BORCS5: variants seen among roughly 807,000 people sequenced by gnomAD.
BORCS5 encodes the protein BLOC-1 related complex subunit 5.
BORCS5 carries 17 observed loss-of-function variants against 22.1 expected under a neutral mutation model. The ratio of observed to expected loss-of-function variants is 0.77; its 90% CI spans 0.53 to 1.15. The LOEUF is 1.15. BORCS5 is among the 50% of genes most tolerant of loss of function. BORCS5 has a pLI of 0.00. For synonymous variants in BORCS5, 117 were observed against 99.8 expected, an observed-to-expected ratio of 1.17 and a Z score of -1.03; for missense variants, 247 against 253.2, an observed-to-expected ratio of 0.98 and a Z score of 0.17.
chr12:12,368,645 C>G (rs1438126546), intron 2 of BORCS5, among the ~76,000 whole-genome samples: 1 of 149,780 alleles, frequency 6.7e-6, no homozygotes, highest in Non-Finnish European at 1.5e-5. Context: ...GGGTGTCACT[C>G]TGTTGTCCAA....
intron 2 of BORCS5, among the ~76,000 whole-genome samples, chr12:12,405,556 C>A (rs1209701501): frequency 6.6e-6 from 1 of 152,178 alleles, no homozygotes; most frequent in Non-Finnish European, 1.5e-5. Flanking sequence ...CTTTTAATGT[C>A]ATCCTGACAA....
chr12:12,375,092 A>G (rs562258887), intron 2 of BORCS5, among the ~76,000 whole-genome samples: 2 of 150,698 alleles, frequency 1.3e-5, no homozygotes, highest in African/African-American at 4.9e-5. Context: ...GCTCACTGCA[A>G]CCTCTGCCTC....
chr12:12,445,225 A>G (rs1942759689), intron 3 of BORCS5, among the ~76,000 whole-genome samples: 1 of 152,076 alleles, frequency 6.6e-6, no homozygotes, highest in Admixed American at 6.6e-5. Context: ...ATTTTTTTGT[A>G]GAGACAGTGT....
At chr12:12,419,347 A>G (rs1201943499) in intron 2 of BORCS5, among the ~76,000 whole-genome samples, 2 of 152,162 alleles carry the variant, frequency 1.3e-5, no homozygotes, top group Non-Finnish European at 2.9e-5. Flanking sequence ...TTCCAGCTTC[A>G]TCCATGTCCC....
At chr12:12,409,699 T>A (rs916449160) in intron 2 of BORCS5, among the ~76,000 whole-genome samples, 7 of 152,188 alleles carry the variant, frequency 4.6e-5, no homozygotes, top group Admixed American at 2.6e-4. Context: ...TACGTGTTCA[T>A]GTGTCTTTAT....
intron 2 of BORCS5, among the ~76,000 whole-genome samples, chr12:12,390,131 C>G (rs954222706): frequency 1.3e-5 from 2 of 151,996 alleles, no homozygotes; most frequent in African/African-American, 4.8e-5. Flanking sequence ...TTTTAGATTC[C>G]TTTAATCTAT....
intron 2 of BORCS5, among the ~76,000 whole-genome samples, chr12:12,427,326 A>G (rs1592117814): frequency 6.6e-6 from 1 of 151,238 alleles, no homozygotes; most frequent in South Asian, 2.1e-4. Flanking sequence ...GACTACAGGC[A>G]CCCGCCACCA....
chr12:12,410,545 G>C (rs543192027), intron 2 of BORCS5, among the ~76,000 whole-genome samples: 1 of 151,890 alleles, frequency 6.6e-6, no homozygotes. Context: ...GTAGATATGC[G>C]GCATTATTTC....
intron 2 of BORCS5, among the ~76,000 whole-genome samples, chr12:12,365,248 C>G (rs1298588310): frequency 6.6e-6 from 1 of 152,108 alleles, no homozygotes; most frequent in East Asian, 1.9e-4. Context: ...TGGCTCACTC[C>G]AGCCTCCACC....
At position 12,465,539 on chromosome 12, in the gene BORCS5, T is replaced by G; in HGVS notation, c.361-7T>G. The G allele has an allele frequency of 6.2e-7, 1 of 1,612,900 alleles. No homozygotes were observed. The highest frequency in any genetic ancestry group is 1.3e-5 in the African/African-American group (1 of 75,034). On this transcript the variant is annotated splice_polypyrimidine_tract_variant and splice_region_variant and intron_variant, in intron 3 of 3. Coordinates refer to ENST00000314565, the MANE Select transcript of BORCS5 (RefSeq NM_058169.6). ...AGGTATAATGTACTTCTCTTTCCCA[T>G]CCACAGATGGATCTGTCTGTAGAAA...
rs1943149498 is a variant in BORCS5, at chr12:12,463,603, A to T, written c.361-1943A>T. ...TTGCGGTTTTTTTCTTCCATGGAGC[A>T]TAATGGAAGTAAGACATGATGTCAG... On this transcript the variant is annotated intron_variant, in intron 3 of 3. Transcript: ENST00000314565. Among the ~76,000 whole-genome samples the T allele has an allele frequency of 2.0e-5, 3 of 152,190 alleles. No homozygotes were observed. In the South Asian group the frequency reaches 6.2e-4, roughly 32 times the overall value.
At chr12:12,361,377 A>C (rs768127114) in intron 2 of BORCS5, 28 bp downstream of exon 2, 7 of 1,607,654 alleles carry the variant, frequency 4.4e-6, no homozygotes, top group Non-Finnish European at 6.0e-6. Context: ...GTTTTATCTG[A>C]ACTTGCTGGA....
chr12:12,369,129 A>G (rs957982194), intron 2 of BORCS5, among the ~76,000 whole-genome samples: 6 of 152,160 alleles, frequency 3.9e-5, no homozygotes, highest in Non-Finnish European at 7.3e-5. Context: ...TATTAGGCAT[A>G]TATGCATTAA....
chr12:12,438,371 A>AAAAAAAAAAAAAAAAAAAAAAAAAAAAAC (rs1565915549), intron 3 of BORCS5, among the ~76,000 whole-genome samples: 30 of 117,038 alleles, frequency 2.6e-4, no homozygotes, highest in African/African-American at 1.3e-3. Context: ...AAAAAAAAAA[A>AAAAAAAAAAAAAAAAAAAAAAAAAAAAAC]AAAAAAAAAC....
At chr12:12,457,405 C>T (rs1242702744) in intron 3 of BORCS5, among the ~76,000 whole-genome samples, 1 of 152,220 alleles carries the variant, frequency 6.6e-6, no homozygotes, top group Non-Finnish European at 1.5e-5. Context: ...CGCGGTGGCT[C>T]ACGCCGGTAA....
intron 2 of BORCS5, among the ~76,000 whole-genome samples, chr12:12,384,566 C>G (rs1472254644): frequency 1.3e-5 from 2 of 150,580 alleles, no homozygotes; most frequent in Admixed American, 6.6e-5. Context: ...GCTGTGGATT[C>G]TGATCCTCCC....
rs776150984 is a variant in BORCS5 at position 12,471,177 on chromosome 12, A to G, written c.*5401A>G. ...ACCAAAAGAATGAAACTGTTTTTAC[A>G]TAAGTGCATATTGCTGTCTCTGCAA... On this transcript the variant is annotated 3_prime_UTR_variant, in exon 4 of 4. Transcript: ENST00000314565. Among the ~76,000 whole-genome samples, 10 of 152,240 alleles carry G rather than the reference A, an allele frequency of 6.6e-5. No homozygotes were observed. The highest frequency in any genetic ancestry group is 1.0e-4 in the Non-Finnish European group (7 of 68,052).
chr12:12,413,669 C>T, intron 2 of BORCS5, among the ~76,000 whole-genome samples: 1 of 130,454 alleles, frequency 7.7e-6, no homozygotes, highest in Admixed American at 7.3e-5. Flanking sequence ...GGCAGAAGCG[C>T]CCCTCACCTC....
chr12:12,384,151 G>A (rs1330353229), intron 2 of BORCS5, among the ~76,000 whole-genome samples: 1 of 151,696 alleles, frequency 6.6e-6, no homozygotes, highest in Non-Finnish European at 1.5e-5. Flanking sequence ...GTATGTATTT[G>A]TTTGTTTGTT....
Sources: gnomAD v4.1 joint callset for allele counts (sites outside exome capture counted in the v4.1 genomes callset) on GRCh38, gnomAD v4.1.1 for gene constraint, MANE v1.5 for transcripts, NCBI Gene and HGNC (gene_info 2026-07-23, HGNC 2026-07-21) for gene names.